The following CA10 variants were observed in gnomAD, a reference collection of about 807,000 sequenced individuals.
The protein encoded by CA10 is carbonic anhydrase 10 (inactive).
In CA10, 14 loss-of-function variants were observed where a neutral mutation model predicts 44.2. The observed-to-expected ratio is 0.32, with a 90% CI of 0.21 to 0.50. The LOEUF (loss-of-function observed/expected upper bound fraction) is 0.50, where lower values mean the gene tolerates loss of function less well. CA10 is among the 20% of genes least tolerant of loss of function. The pLI is 0.99. For missense variants in CA10, 350 were observed against 409.7 expected, an observed-to-expected ratio of 0.85 and a Z score of 1.26; for synonymous variants, 159 against 141.6, an observed-to-expected ratio of 1.12 and a Z score of -0.87.
chr17:51,682,202 G>T (rs1157061834), intron 4 of CA10, among the ~76,000 whole-genome samples: 2 of 152,214 alleles, frequency 1.3e-5, no homozygotes, highest in East Asian at 1.9e-4. Flanking sequence ...GTGGCCATTT[G>T]TTTTCCGGGC....
chr17:51,953,984 T>C (rs1319339684), intron 2 of CA10, among the ~76,000 whole-genome samples: 1 of 152,180 alleles, frequency 6.6e-6, no homozygotes, highest in Non-Finnish European at 1.5e-5. Flanking sequence ...TATTACTCTG[T>C]TGTGATTAGA....
chr17:51,948,689 T>A (rs1005325729), intron 2 of CA10, among the ~76,000 whole-genome samples: 1 of 152,186 alleles, frequency 6.6e-6, no homozygotes, highest in Non-Finnish European at 1.5e-5. Context: ...GTCTTTTATG[T>A]GTGTGCCTTT....
intron 3 of CA10, among the ~76,000 whole-genome samples, chr17:51,918,772 G>T (rs1982107077): frequency 1.3e-5 from 2 of 152,168 alleles, no homozygotes; most frequent in Admixed American, 1.3e-4. Flanking sequence ...AGGCTGAATG[G>T]CTTATTTTCA....
chr17:52,072,712 C>CACACACACACACA (rs1987715545), intron 1 of CA10, among the ~76,000 whole-genome samples: 1 of 150,968 alleles, frequency 6.6e-6, no homozygotes, highest in African/African-American at 2.4e-5. Context: ...CACACACACA[C>CACACACACACACA]ACACAACACA....
At chr17:51,933,415 G>T (rs1982741841) in intron 2 of CA10, among the ~76,000 whole-genome samples, 1 of 152,034 alleles carries the variant, frequency 6.6e-6, no homozygotes. Flanking sequence ...GGAGGAAGGG[G>T]ACATGAACCA....
intron 3 of CA10, among the ~76,000 whole-genome samples, chr17:51,920,182 T>C (rs1022396438): frequency 7.2e-5 from 11 of 152,200 alleles, no homozygotes; most frequent in African/African-American, 2.7e-4. Flanking sequence ...GTCACTAAAA[T>C]TGTACAACTG....
chr17:51,700,173 T>C (rs769218926), intron 4 of CA10, among the ~76,000 whole-genome samples: 109 of 152,208 alleles, frequency 7.2e-4, no homozygotes, highest in Non-Finnish European at 1.2e-3. Context: ...AACTGGTGAA[T>C]GTCCCGGTCA....
chr17:51,701,670 T>C (rs938237574), intron 4 of CA10, among the ~76,000 whole-genome samples: 26 of 152,312 alleles, frequency 1.7e-4, no homozygotes, highest in Non-Finnish European at 3.4e-4. Flanking sequence ...TAGTTAACTC[T>C]CAATTATTCA....
At chr17:51,897,871 G>A (rs953876423) in intron 3 of CA10, among the ~76,000 whole-genome samples, 10 of 152,120 alleles carry the variant, frequency 6.6e-5, no homozygotes, top group African/African-American at 2.4e-4. Context: ...CAGCTTGGAT[G>A]TTATTGATGT....
At chr17:51,836,203 T>C (rs544678229) in intron 3 of CA10, among the ~76,000 whole-genome samples, 5 of 152,362 alleles carry the variant, frequency 3.3e-5, no homozygotes, top group African/African-American at 1.2e-4. Flanking sequence ...ACAGTCTTTG[T>C]TGACTTGGCC....
chr17:52,088,491 T>C (rs555796042), intron 1 of CA10, among the ~76,000 whole-genome samples: 165 of 152,222 alleles, frequency 1.1e-3, no homozygotes, highest in Middle Eastern at 6.8e-3. Context: ...GGGTCACAAG[T>C]TACAGTAAGC....
chr17:52,067,871 A>G (rs1987577237), intron 2 of CA10, among the ~76,000 whole-genome samples: 1 of 152,200 alleles, frequency 6.6e-6, no homozygotes, highest in Non-Finnish European at 1.5e-5. Context: ...TATTTACCCA[A>G]TGCCTGTACC....
chr17:51,669,270 C>G (rs1914322478), intron 4 of CA10, among the ~76,000 whole-genome samples: 1 of 152,136 alleles, frequency 6.6e-6, no homozygotes, highest in South Asian at 2.1e-4. Flanking sequence ...CCAATCAGCA[C>G]TCTGTGTCTA....
At chr17:51,649,366 A>G (rs1200747045) in intron 5 of CA10, 112 bp from the exon 6 acceptor site, 2 of 791,794 alleles carry the variant, frequency 2.5e-6, no homozygotes, top group Non-Finnish European at 4.3e-6. Context: ...CATGAGCCAA[A>G]CACAATGACA....
At chr17:52,058,368 G>C (rs1027673638) in intron 2 of CA10, among the ~76,000 whole-genome samples, 3 of 152,132 alleles carry the variant, frequency 2.0e-5, no homozygotes, top group Admixed American at 2.0e-4. Flanking sequence ...AAAAATGTTT[G>C]AGACACATTT....
chr17:51,862,353 A>C (rs1979349348), intron 3 of CA10, among the ~76,000 whole-genome samples: 1 of 152,208 alleles, frequency 6.6e-6, no homozygotes, highest in Non-Finnish European at 1.5e-5. Context: ...AGAATATGTT[A>C]CAACAGAAAT....
At chr17:51,660,983 A>G (rs1282630192) in intron 4 of CA10, among the ~76,000 whole-genome samples, 2 of 151,738 alleles carry the variant, frequency 1.3e-5, no homozygotes, top group African/African-American at 2.4e-5. Flanking sequence ...TTTGACTCCT[A>G]CTTATGAACT....
At chr17:51,937,763 G>C (rs1023315912) in intron 2 of CA10, among the ~76,000 whole-genome samples, 1 of 152,078 alleles carries the variant, frequency 6.6e-6, no homozygotes, top group Non-Finnish European at 1.5e-5. Flanking sequence ...TTATAATAAG[G>C]GTATGTGTAT....
At chr17:51,883,869 T>A (rs543419406) in intron 3 of CA10, among the ~76,000 whole-genome samples, 5 of 152,156 alleles carry the variant, frequency 3.3e-5, no homozygotes, top group Non-Finnish European at 7.3e-5. Context: ...TACCTCCTAT[T>A]TGGGGTCTCC....
Sources: gnomAD v4.1 joint callset for allele counts (sites outside exome capture counted in the v4.1 genomes callset) on GRCh38, gnomAD v4.1.1 for gene constraint, MANE v1.5 for transcripts, NCBI Gene and HGNC (gene_info 2026-07-23, HGNC 2026-07-21) for gene names.